Variants in GXYLT2 observed in about 807,000 individuals in gnomAD.
The protein encoded by GXYLT2 is glucoside xylosyltransferase 2.
A neutral mutation model predicts 45.8 loss-of-function variants in GXYLT2; 53 were observed. The observed-to-expected ratio is 1.16, with a 90% CI of 0.93 to 1.46. The LOEUF (loss-of-function observed/expected upper bound fraction) is 1.46. GXYLT2 is among the 40% of genes most tolerant of loss of function. GXYLT2 has a pLI of 0.00. For synonymous variants in GXYLT2, 219 were observed against 214.2 expected, an observed-to-expected ratio of 1.02 and a Z score of -0.19; for missense variants, 551 against 544.4, an observed-to-expected ratio of 1.01 and a Z score of -0.12.
chr3:72,925,407 C>A (rs1390360263), intron 3 of GXYLT2, among the ~76,000 whole-genome samples: 1 of 152,074 alleles, frequency 6.6e-6, no homozygotes, highest in East Asian at 1.9e-4. Flanking sequence ...CCGCCCGCCT[C>A]GGCCTCCCAA....
At chr3:72,969,874 T>C (rs1009144146) in intron 6 of GXYLT2, among the ~76,000 whole-genome samples, 1 of 110,180 alleles carries the variant, frequency 9.1e-6, no homozygotes, top group Non-Finnish European at 1.8e-5. Context: ...TCCTGTAACA[T>C]AGTAACAATT....
intron 2 of GXYLT2, among the ~76,000 whole-genome samples, chr3:72,919,853 A>G (rs561137832): frequency 2.0e-5 from 3 of 152,340 alleles, no homozygotes; most frequent in Non-Finnish European, 4.4e-5. Context: ...GTATACTGTA[A>G]TGATAGATAC....
intron 3 of GXYLT2, among the ~76,000 whole-genome samples, chr3:72,954,065 C>T (rs530255148): frequency 5.3e-5 from 8 of 152,114 alleles, no homozygotes; most frequent in African/African-American, 1.4e-4. Context: ...CACTGCAACC[C>T]GGACAACAGA....
chr3:72,969,908 T>TG, intron 6 of GXYLT2, among the ~76,000 whole-genome samples: 1 of 30,212 alleles, frequency 3.3e-5, no homozygotes, highest in Admixed American at 4.4e-4. Flanking sequence ...AATGTGCATT[T>TG]GAAAAAAAAA....
chr3:72,940,806 T>C (rs1710283173), intron 3 of GXYLT2, among the ~76,000 whole-genome samples: 1 of 152,114 alleles, frequency 6.6e-6, no homozygotes, highest in African/African-American at 2.4e-5. Context: ...CTCAGCCTCC[T>C]GAGTAGCTGG....
chr3:72,962,283 G>A (rs1710785750), intron 5 of GXYLT2, among the ~76,000 whole-genome samples: 1 of 152,194 alleles, frequency 6.6e-6, no homozygotes, highest in Non-Finnish European at 1.5e-5. Flanking sequence ...CATGAGCCCT[G>A]ATGTAAAACG....
At chr3:72,956,121 C>T (rs891530259) in intron 4 of GXYLT2, among the ~76,000 whole-genome samples, 5 of 152,052 alleles carry the variant, frequency 3.3e-5, no homozygotes, top group East Asian at 1.9e-4. Flanking sequence ...CATGGTGTCA[C>T]GTGGCTGTAG....
At chr3:72,897,736 C>G (rs1029404229) in intron 1 of GXYLT2, among the ~76,000 whole-genome samples, 6 of 152,196 alleles carry the variant, frequency 3.9e-5, no homozygotes, top group Non-Finnish European at 8.8e-5. Context: ...GGTTAAAGCA[C>G]TTGCCCAAGA....
chr3:72,967,035 T>C (rs1559752809), intron 5 of GXYLT2, among the ~76,000 whole-genome samples: 1 of 152,228 alleles, frequency 6.6e-6, no homozygotes, highest in Non-Finnish European at 1.5e-5. Context: ...TCCCAAACTC[T>C]GGGATTACAG....
At chr3:72,943,739 C>T (rs996774160) in intron 3 of GXYLT2, among the ~76,000 whole-genome samples, 3 of 151,960 alleles carry the variant, frequency 2.0e-5, no homozygotes, top group African/African-American at 7.3e-5. Context: ...TTAACCATAT[C>T]TAAGTGTCCA....
rs116081303 is a variant in GXYLT2 at position 72,894,688 on chromosome 3, G to T, written c.275+6180G>T. ...CATCTGAGCCCTCGTCCTGCCCCGT[G>T]GAACACGGGCTATACAGGGGATTAA... On this transcript the variant is annotated intron_variant, in intron 1 of 6. Transcript: ENST00000389617. Among the ~76,000 whole-genome samples the T allele has an allele frequency of 7.4e-3, 1,120 of 152,336 alleles. 13 individuals carry two copies. The highest frequency in any genetic ancestry group is 0.026 in the African/African-American group (1,068 of 41,580).
At chr3:72,921,404 A>G (rs1422247117) in intron 2 of GXYLT2, among the ~76,000 whole-genome samples, 1 of 152,030 alleles carries the variant, frequency 6.6e-6, no homozygotes. Flanking sequence ...ACTGTACATT[A>G]TTCTATTTTT....
chr3:72,893,487 G>A (rs1709222552), intron 1 of GXYLT2, among the ~76,000 whole-genome samples: 1 of 152,054 alleles, frequency 6.6e-6, no homozygotes, highest in Admixed American at 6.6e-5. Flanking sequence ...GTAGTCTTTT[G>A]TTTTTCACAG....
chr3:72,932,543 A>G (rs896356428), intron 3 of GXYLT2, among the ~76,000 whole-genome samples: 21 of 152,216 alleles, frequency 1.4e-4, no homozygotes, highest in Admixed American at 1.4e-3. Context: ...GCTTGACTTG[A>G]ATCACATTCT....
chr3:72,889,141 T>TTC (rs1487250313), intron 1 of GXYLT2, among the ~76,000 whole-genome samples: 1 of 149,306 alleles, frequency 6.7e-6, no homozygotes, highest in African/African-American at 2.5e-5. Flanking sequence ...ACCTTCGACC[T>TTC]TCTGTTTGAT....
chr3:72,961,674 A>AAGAG (rs35904914), intron 5 of GXYLT2, among the ~76,000 whole-genome samples: 3 of 119,006 alleles, frequency 2.5e-5, no homozygotes, highest in East Asian at 2.4e-4. Context: ...AAAAAAAAAA[A>AAGAG]AGAGAGAGAG....
intron 1 of GXYLT2, among the ~76,000 whole-genome samples, chr3:72,899,882 C>A (rs1709368936): frequency 6.6e-6 from 1 of 152,166 alleles, no homozygotes; most frequent in Admixed American, 6.5e-5. Context: ...TACCATTTTT[C>A]CCCCACATAT....
intron 3 of GXYLT2, among the ~76,000 whole-genome samples, chr3:72,954,139 C>G (rs1710578412): frequency 6.6e-6 from 1 of 152,024 alleles, no homozygotes; most frequent in African/African-American, 2.4e-5. Context: ...GAGTCTTGCT[C>G]TGTTGCCAGG....
intron 2 of GXYLT2, among the ~76,000 whole-genome samples, chr3:72,913,008 T>C (rs971536517): frequency 6.6e-6 from 1 of 151,952 alleles, no homozygotes; most frequent in Non-Finnish European, 1.5e-5. Flanking sequence ...ATCCCTTTGA[T>C]GGTTCATTTC....
Sources: gnomAD v4.1 joint callset for allele counts (sites outside exome capture counted in the v4.1 genomes callset) on GRCh38, gnomAD v4.1.1 for gene constraint, MANE v1.5 for transcripts, NCBI Gene and HGNC (gene_info 2026-07-23, HGNC 2026-07-21) for gene names.